Variants in RAD51C observed in about 807,000 individuals in gnomAD.
RAD51C encodes the protein DNA repair protein RAD51 homolog 3.
In RAD51C, 42 loss-of-function variants were observed where a neutral mutation model predicts 45.0. The observed-to-expected ratio is 0.93, with a 90% confidence interval of 0.73 to 1.21. The LOEUF (loss-of-function observed/expected upper bound fraction) is 1.21. Ranked by LOEUF, RAD51C falls within the 50% of genes most tolerant of loss-of-function variation. The pLI, the probability that RAD51C is intolerant of heterozygous loss-of-function variation, is 0.00. For synonymous variants in RAD51C, 172 were observed against 159.8 expected (o/e 1.08, Z -0.58); for missense variants, 474 against 452.2 (o/e 1.05, Z -0.44).
chr17:58,696,300 G>T (rs2048004302), intron 2 of RAD51C, among the ~76,000 whole-genome samples: 1 of 152,072 alleles, frequency 6.6e-6, no homozygotes, highest in African/African-American at 2.4e-5. Flanking sequence ...GGGCGTGGTG[G>T]CGGGTGCTTG....
At chr17:58,696,341 G>A (rs541042954) in intron 2 of RAD51C, among the ~76,000 whole-genome samples, 1 of 152,276 alleles carries the variant, frequency 6.6e-6, no homozygotes, top group East Asian at 1.9e-4. Flanking sequence ...GCTGAGGCAG[G>A]AGAATGGCGT....
chr17:58,715,819 T>G (rs2048713368), intron 5 of RAD51C, among the ~76,000 whole-genome samples: 1 of 152,116 alleles, frequency 6.6e-6, no homozygotes, highest in Non-Finnish European at 1.5e-5. Context: ...TGTTTTAAAC[T>G]TTTGACCTGG....
At chr17:58,710,129 TTCCATTAAAAAATTCTGGTC>T in intron 5 of RAD51C, 139 bp downstream of exon 5, 1 of 1,016,900 alleles carries the variant, frequency 9.8e-7, no homozygotes, top group Non-Finnish European at 1.4e-6. Flanking sequence ...TTTGGTTGGT[TTCCATTAAAAAATTCTGGTC>T]ATAAGTGTCA....
At chr17:58,709,594 G>A (rs2048484341) in intron 4 of RAD51C, 2 of 329,804 alleles carry the variant, frequency 6.1e-6, no homozygotes, top group South Asian at 6.6e-5. Flanking sequence ...GTAAGGGTTG[G>A]ATTAAAGAAG....
Position 58,705,611 on chromosome 17 carries a change from C to T in RAD51C, c.705+2282C>T, listed in dbSNP as rs1366777306. ...CCTCCCAAAGTGCTGGGATTACAGG[C>T]GTGAGCCACCGTGCCTGACCCCTAA... On this transcript the variant is annotated intron_variant, in intron 4 of 8. Coordinates refer to ENST00000337432, the MANE Select transcript of RAD51C (RefSeq NM_058216.3). Among the ~76,000 whole-genome samples the T allele has an allele frequency of 3.3e-5, 5 of 152,084 alleles. No individual in the cohort carries two copies. In the South Asian group the frequency reaches 8.3e-4, roughly 25 times the overall value.
chr17:58,706,851 A>G (rs1461881898), intron 4 of RAD51C, among the ~76,000 whole-genome samples: 1 of 152,160 alleles, frequency 6.6e-6, no homozygotes, highest in Non-Finnish European at 1.5e-5. Context: ...GATTAACATC[A>G]TGGATAATCT....
intron 4 of RAD51C, among the ~76,000 whole-genome samples, chr17:58,704,359 G>T (rs995906957): frequency 1.3e-5 from 2 of 151,552 alleles, no homozygotes; most frequent in Non-Finnish European, 2.9e-5. Context: ...TGCAACCTCT[G>T]CTTCCCGGGT....
At chr17:58,730,641 A>T (rs1270989224) in intron 7 of RAD51C, among the ~76,000 whole-genome samples, 1 of 152,162 alleles carries the variant, frequency 6.6e-6, no homozygotes, top group Admixed American at 6.6e-5. Context: ...AGAGTAACAG[A>T]TCATAGCCAA....
chr17:58,719,032 G>A lies in RAD51C; in HGVS notation c.838-1714G>A, dbSNP rs147550924. ...GAGGTCAGGAGTTCGAGACCAGGCC[G>A]GCCAACATGGTAAAACCCCATCTTT... On this transcript the variant is annotated intron_variant, in intron 5 of 8. Coordinates refer to ENST00000337432, the MANE Select transcript of RAD51C (RefSeq NM_058216.3). 1.8e-3 allele frequency among the ~76,000 whole-genome samples: 275 copies of A among 152,156 alleles called. 3 individuals carry two copies. Among genetic ancestry groups the A allele is most frequent in the African/African-American group, 6.1e-3 (254 of 41,516 alleles).
chr17:58,731,263 T>G (rs1156566531), intron 7 of RAD51C, among the ~76,000 whole-genome samples: 11 of 151,842 alleles, frequency 7.2e-5, no homozygotes, highest in Admixed American at 2.0e-4. Flanking sequence ...AAGCAGTTTT[T>G]TTTTTTTTTT....
chr17:58,696,892 A>T, intron 3 of RAD51C, 33 bp downstream of exon 3: 7 of 1,608,978 alleles, frequency 4.4e-6, no homozygotes, highest in Admixed American at 1.7e-5. Flanking sequence ...TTTTTTCTGT[A>T]TTAATAAAAG....
chr17:58,714,815 G>C (rs2048675854), intron 5 of RAD51C, among the ~76,000 whole-genome samples: 1 of 152,118 alleles, frequency 6.6e-6, no homozygotes, highest in African/African-American at 2.4e-5. Flanking sequence ...TTAAAAATAT[G>C]TTTTTTGGAT....
intron 5 of RAD51C, among the ~76,000 whole-genome samples, chr17:58,714,185 A>G (rs1164548946): frequency 1.3e-5 from 2 of 151,970 alleles, no homozygotes; most frequent in Non-Finnish European, 2.9e-5. Context: ...GGGTTTCACC[A>G]TGTTGGCCAG....
At position 58,697,251 on chromosome 17, in the gene RAD51C, G is replaced by A. The variant is rs547672666; in HGVS notation, c.571+392G>A. 2.4e-4 allele frequency among the ~76,000 whole-genome samples: 37 copies of A among 152,212 alleles called. 2 individuals carry two copies. The South Asian group carries it at 3.5e-3, about 14-fold the overall frequency. On this transcript the variant is annotated intron_variant, in intron 3 of 8. Transcript: ENST00000337432. ...AACCAAAGGTAGCTTTGAAAACCAC[G>A]TCTGAGGCCGGATGCAGTGCTCATG...
chr17:58,702,815 A>C (rs2048254994), intron 3 of RAD51C, among the ~76,000 whole-genome samples: 1 of 151,988 alleles, frequency 6.6e-6, no homozygotes, highest in African/African-American at 2.4e-5. Context: ...GCGAGCTATG[A>C]TTGTGCCACT....
chr17:58,704,679 A>C (rs2048321530), intron 4 of RAD51C, among the ~76,000 whole-genome samples: 5 of 151,968 alleles, frequency 3.3e-5, no homozygotes, highest in Non-Finnish European at 2.9e-5. Context: ...CCCTATTGTG[A>C]TACCCCTATT....
Position 58,734,426 on chromosome 17 carries a change from T to G in RAD51C, c.*204T>G. The G allele has an allele frequency of 1.2e-6, 1 of 859,838 alleles. No homozygotes were observed. Among genetic ancestry groups the G allele is most frequent in the Non-Finnish European group, 1.7e-6 (1 of 578,832 alleles). 53.3% of individuals were successfully genotyped at this position (859,838 alleles called of 1,614,324 possible). A position where few individuals can be genotyped will look rare whatever the true frequency, so the allele number is the denominator to read the frequency against. On this transcript the variant is annotated 3_prime_UTR_variant, in exon 9 of 9. Transcript: ENST00000337432. ...TTCTGCAATTATATTTTACCCTGTT[T>G]TCATTTTCAGTAACATTCAGTAGAG...
At chr17:58,726,544 A>ACGT (rs2049145724) in intron 7 of RAD51C, among the ~76,000 whole-genome samples, 1 of 117,178 alleles carries the variant, frequency 8.5e-6, no homozygotes, top group South Asian at 2.6e-4. Context: ...ATATGTGTAT[A>ACGT]AGTATAGATG....
At chr17:58,716,167 G>A (rs554622946) in intron 5 of RAD51C, among the ~76,000 whole-genome samples, 25 of 150,864 alleles carry the variant, frequency 1.7e-4, no homozygotes, top group African/African-American at 6.1e-4. Context: ...CTAATTTTCA[G>A]TTGTATCATG....
Sources: gnomAD v4.1 joint callset for allele counts (sites outside exome capture counted in the v4.1 genomes callset) on GRCh38, gnomAD v4.1.1 for gene constraint, MANE v1.5 for transcripts, NCBI Gene and HGNC (gene_info 2026-07-23, HGNC 2026-07-21) for gene names.